Variants in SPCS2 observed in about 807,000 individuals in gnomAD.
SPCS2 encodes the protein signal peptidase complex subunit 2, also known as SPase 25 kDa subunit.
Under a neutral mutation model 22.3 loss-of-function variants are expected in SPCS2, and 3 were observed. The observed-to-expected ratio is 0.13, with a 90% confidence interval of 0.06 to 0.35. SPCS2 has a LOEUF of 0.35. Ranked by LOEUF, SPCS2 falls within the 10% of genes least tolerant of loss-of-function variation. SPCS2 has a pLI of 1.00. For missense variants in SPCS2, 169 were observed against 280.9 expected, an observed-to-expected ratio of 0.60 and a Z score of 2.85; for synonymous variants, 67 against 97.2, an observed-to-expected ratio of 0.69 and a Z score of 1.83.
chr11:74,965,675 T>C (rs1020672035), intron 2 of SPCS2, 88 bp from the exon 3 acceptor site: 6 of 1,176,488 alleles, frequency 5.1e-6, no homozygotes, highest in East Asian at 2.5e-5. Context: ...GTAATTCATA[T>C]GATTCTTTTA....
At chr11:74,966,862 G>A (rs570473522) in intron 3 of SPCS2, among the ~76,000 whole-genome samples, 13 of 152,046 alleles carry the variant, frequency 8.6e-5, no homozygotes, top group African/African-American at 3.1e-4. Context: ...CTCCTGGCTC[G>A]AGCAATTCTC....
At chr11:74,956,836 C>A (rs114654480) in intron 1 of SPCS2, among the ~76,000 whole-genome samples, 3,732 of 152,038 alleles carry the variant, frequency 0.025, 165 homozygotes, top group African/African-American at 0.086. Context: ...AGTCATTATA[C>A]TCTGGAAACC....
intron 1 of SPCS2, among the ~76,000 whole-genome samples, chr11:74,952,063 A>G (rs1473869807): frequency 6.6e-6 from 1 of 152,066 alleles, no homozygotes; most frequent in Non-Finnish European, 1.5e-5. Flanking sequence ...AAGTAGAGGA[A>G]AGCTGTTGAA....
At chr11:74,964,638 C>A (rs186555936) in intron 1 of SPCS2, among the ~76,000 whole-genome samples, 1 of 152,254 alleles carries the variant, frequency 6.6e-6, no homozygotes, top group African/African-American at 2.4e-5. Flanking sequence ...ATTTTCTGTA[C>A]TCACATTTCG....
intron 1 of SPCS2, among the ~76,000 whole-genome samples, chr11:74,957,057 T>A (rs1948483377): frequency 6.6e-6 from 1 of 152,266 alleles, no homozygotes; most frequent in East Asian, 1.9e-4. Context: ...TATATGCGTA[T>A]TTGTTTACTT....
chr11:74,954,654 C>T (rs984139588), intron 1 of SPCS2, among the ~76,000 whole-genome samples: 1 of 152,170 alleles, frequency 6.6e-6, no homozygotes, highest in African/African-American at 2.4e-5. Context: ...TTTAATGAAA[C>T]AAGGTGCTGG....
At chr11:74,957,888 G>A (rs541516186) in intron 1 of SPCS2, among the ~76,000 whole-genome samples, 32 of 152,354 alleles carry the variant, frequency 2.1e-4, no homozygotes, top group African/African-American at 4.3e-4. Context: ...TGCTAGTAGT[G>A]AAAGGATTGT....
intron 1 of SPCS2, among the ~76,000 whole-genome samples, chr11:74,952,693 C>T (rs893985702): frequency 6.6e-6 from 1 of 152,106 alleles, no homozygotes; most frequent in African/African-American, 2.4e-5. Flanking sequence ...AATAGAATGA[C>T]AAGGTGATGA....
At chr11:74,951,435 A>G (rs1010669942) in intron 1 of SPCS2, among the ~76,000 whole-genome samples, 3 of 152,192 alleles carry the variant, frequency 2.0e-5, no homozygotes, top group Non-Finnish European at 4.4e-5. Context: ...AAGGAAGTAT[A>G]TGGTATATTC....
At chr11:74,957,561 G>C (rs773065203) in intron 1 of SPCS2, among the ~76,000 whole-genome samples, 22 of 152,182 alleles carry the variant, frequency 1.4e-4, no homozygotes, top group Non-Finnish European at 2.6e-4. Flanking sequence ...TTCCTTGGCA[G>C]CATCCCTCTC....
intron 1 of SPCS2, among the ~76,000 whole-genome samples, chr11:74,961,035 T>TAAAAAA (rs59333466): frequency 7.2e-6 from 1 of 138,022 alleles, no homozygotes; most frequent in African/African-American, 2.6e-5. Context: ...ATTTAGACAT[T>TAAAAAA]AAAAAAAAAA....
At chr11:74,967,671 T>A (rs929696123) in intron 3 of SPCS2, among the ~76,000 whole-genome samples, 1 of 152,136 alleles carries the variant, frequency 6.6e-6, no homozygotes, top group Non-Finnish European at 1.5e-5. Flanking sequence ...ATCACTTGAA[T>A]CCAGGGGGCG....
At chr11:74,963,124 A>G (rs1013486881) in intron 1 of SPCS2, among the ~76,000 whole-genome samples, 1 of 152,216 alleles carries the variant, frequency 6.6e-6, no homozygotes, top group Non-Finnish European at 1.5e-5. Flanking sequence ...GTTCTTTTGC[A>G]TGTCTTCAAA....
intron 1 of SPCS2, among the ~76,000 whole-genome samples, chr11:74,949,951 TC>T (rs1948350134): frequency 6.6e-6 from 1 of 152,192 alleles, no homozygotes; most frequent in Non-Finnish European, 1.5e-5. Context: ...TTTCTTTTTT[TC>T]CTGTTGTTTT....
At chr11:74,952,710 C>T (rs1012332719) in intron 1 of SPCS2, among the ~76,000 whole-genome samples, 3 of 152,142 alleles carry the variant, frequency 2.0e-5, no homozygotes, top group Non-Finnish European at 4.4e-5. Context: ...ATGAGAACCC[C>T]AACATGAGTA....
At chr11:74,975,078 A>G (rs1214632750) in intron 4 of SPCS2, among the ~76,000 whole-genome samples, 2 of 152,120 alleles carry the variant, frequency 1.3e-5, no homozygotes, top group Non-Finnish European at 2.9e-5. Flanking sequence ...ATGGCTTAGA[A>G]GTCCATACAT....
At position 74,951,776 on chromosome 11, in the gene SPCS2, G is replaced by T. The variant is rs1307506305; in HGVS notation, c.114+2377G>T. ...AGTGAGCCGAGATCACGCCATTGCA[G>T]TCCAGCCTGGGCAACAAGAGGGAAA... On this transcript the variant is annotated intron_variant, in intron 1 of 4. Transcript: ENST00000263672. Among the ~76,000 whole-genome samples, 12 of 137,112 alleles carry T rather than the reference G, an allele frequency of 8.8e-5. No individual in the cohort carries two copies. The Admixed American group carries it at 9.3e-4, about 11-fold the overall frequency. 90.0% of individuals were successfully genotyped at this position (137,112 alleles called of 152,430 possible). A position where few individuals can be genotyped will look rare whatever the true frequency, so the allele number is the denominator to read the frequency against.
chr11:74,955,853 T>A lies in SPCS2; in HGVS notation c.114+6454T>A, dbSNP rs1484570351. Among the ~76,000 whole-genome samples the A allele has an allele frequency of 1.4e-3, 97 of 70,698 alleles. No homozygotes were observed. The South Asian group carries it at 0.019, about 14-fold the overall frequency. The allele number at this position is 70,698 out of a possible 152,430, so 46.4% of individuals were successfully genotyped here. On this transcript the variant is annotated intron_variant, in intron 1 of 4. Transcript: ENST00000263672. ...CTATTACTTTAATTACTAATTAAAA[T>A]ATATATATATATATATATATATATA...
chr11:74,956,716 C>G (rs1004679108), intron 1 of SPCS2, among the ~76,000 whole-genome samples: 1 of 152,158 alleles, frequency 6.6e-6, no homozygotes, highest in Non-Finnish European at 1.5e-5. Flanking sequence ...CCAGTAACTT[C>G]CCATCTCAGT....
Sources: gnomAD v4.1 joint callset for allele counts (sites outside exome capture counted in the v4.1 genomes callset) on GRCh38, gnomAD v4.1.1 for gene constraint, MANE v1.5 for transcripts, NCBI Gene and HGNC (gene_info 2026-07-23, HGNC 2026-07-21) for gene names.